The following ITPRID1 variants were observed in gnomAD, a reference collection of about 807,000 sequenced individuals.
The protein encoded by ITPRID1 is protein ITPRID1.
ITPRID1 carries 96 observed loss-of-function variants against 95.4 expected under a neutral mutation model. That is an observed-to-expected ratio of 1.01 (90% CI 0.85 to 1.19). The LOEUF (loss-of-function observed/expected upper bound fraction) is 1.19, where lower values mean the gene tolerates loss of function less well. Ranked by LOEUF, ITPRID1 falls within the 50% of genes most tolerant of loss-of-function variation. ITPRID1 has a pLI of 0.00. For missense variants in ITPRID1, 1,339 were observed against 1,252.9 expected, an observed-to-expected ratio of 1.07 and a Z score of -1.04; for synonymous variants, 510 against 453.6, an observed-to-expected ratio of 1.12 and a Z score of -1.58.
intron 1 of ITPRID1, among the ~76,000 whole-genome samples, chr7:31,525,384 G>A (rs1205586141): frequency 6.6e-6 from 1 of 152,168 alleles, no homozygotes; most frequent in Non-Finnish European, 1.5e-5. Context: ...CTATCCACCA[G>A]ATACTAGTAG....
At chr7:31,581,687 A>G (rs1268564017) in intron 9 of ITPRID1, among the ~76,000 whole-genome samples, 1 of 151,992 alleles carries the variant, frequency 6.6e-6, no homozygotes, top group Non-Finnish European at 1.5e-5. Flanking sequence ...CCAGGAATAC[A>G]CCTGGCTTTC....
chr7:31,643,724 T>A lies in ITPRID1; in HGVS notation c.2354T>A (p.Leu785Gln). 6.2e-7 allele frequency: 1 copy of A among 1,614,032 alleles called. No homozygotes were observed. Among genetic ancestry groups the A allele is most frequent in the Non-Finnish European group, 8.5e-7 (1 of 1,179,894 alleles). The stretch of plus-strand genomic sequence containing the variant: ...CAGCCCCTCACCAAATCCGTCTCTC[T>A]AGACTCAGGCTTCTCTAGTATCTGC... ...GPQPLTKSVS[L>Q]DSGFSSICPM... Residue 785 changes from leucine (L) to glutamine (Q), a missense_variant, in exon 12 of 15, where the codon CTA becomes CAA. Transcript: ENST00000615280.
At chr7:31,601,092 A>G (rs1257162145) in intron 10 of ITPRID1, among the ~76,000 whole-genome samples, 1 of 152,100 alleles carries the variant, frequency 6.6e-6, no homozygotes, top group East Asian at 1.9e-4. Flanking sequence ...AGGAAAACAG[A>G]CCCTAGTCTC....
At position 31,566,627 on chromosome 7, in the gene ITPRID1, TTTATC is replaced by T. The variant is rs1192853529; in HGVS notation, c.257-3128_257-3124del. On this transcript the variant is annotated intron_variant, in intron 5 of 14. Transcript: ENST00000615280. ...TTTTAAAAATTGCTTGAAACAATATTTTATCTTCCATTTAGGCAACTTATTATTTA... is the reference window on the plus strand; with the variant it reads ...TTTTAAAAATTGCTTGAAACAATATTTTCCATTTAGGCAACTTATTATTTA... 2.6e-5 allele frequency among the ~76,000 whole-genome samples: 4 copies of T among 152,316 alleles called. No homozygotes were observed. The East Asian group carries it at 7.7e-4, about 29-fold the overall frequency.
At chr7:31,583,271 T>C in intron 10 of ITPRID1, 80 bp downstream of exon 10, 2 of 953,076 alleles carry the variant, frequency 2.1e-6, no homozygotes, top group Admixed American at 2.0e-5. Flanking sequence ...TCTTAATATG[T>C]ACAGAGCTTA....
At chr7:31,585,319 AC>A (rs1785549683) in intron 10 of ITPRID1, among the ~76,000 whole-genome samples, 1 of 152,176 alleles carries the variant, frequency 6.6e-6, no homozygotes, top group South Asian at 2.1e-4. Context: ...TACTCTGCAT[AC>A]TAGCAGAAAA....
At chr7:31,616,312 G>A (rs1283554777) in intron 10 of ITPRID1, among the ~76,000 whole-genome samples, 1 of 151,742 alleles carries the variant, frequency 6.6e-6, no homozygotes, top group Non-Finnish European at 1.5e-5. Flanking sequence ...ATCCCTTCAG[G>A]GTCTAGTAGT....
chr7:31,528,896 G>A (rs1783503598), intron 1 of ITPRID1, among the ~76,000 whole-genome samples: 2 of 152,138 alleles, frequency 1.3e-5, no homozygotes, highest in African/African-American at 4.8e-5. Flanking sequence ...TCAAAATGAA[G>A]GATATTGTTG....
intron 1 of ITPRID1, among the ~76,000 whole-genome samples, chr7:31,524,921 T>C (rs1783376865): frequency 7.6e-6 from 1 of 131,642 alleles, no homozygotes; most frequent in African/African-American, 3.2e-5. Flanking sequence ...GAAATCTTTA[T>C]TGAGATGAAA....
At chr7:31,602,887 CT>C (rs1449668833) in intron 10 of ITPRID1, among the ~76,000 whole-genome samples, 3 of 151,612 alleles carry the variant, frequency 2.0e-5, no homozygotes, top group Non-Finnish European at 2.9e-5. Context: ...TCCCCACCCC[CT>C]CCCCTTTATT....
chr7:31,542,419 C>G (rs1783962795), intron 1 of ITPRID1, among the ~76,000 whole-genome samples: 1 of 152,292 alleles, frequency 6.6e-6, no homozygotes, highest in African/African-American at 2.4e-5. Flanking sequence ...TGAGATGACT[C>G]AAATTTCTTA....
chr7:31,588,743 G>T (rs1785735999), intron 10 of ITPRID1, among the ~76,000 whole-genome samples: 1 of 151,564 alleles, frequency 6.6e-6, no homozygotes, highest in South Asian at 2.1e-4. Flanking sequence ...AGAGAACCAA[G>T]GAGGAAAATC....
At chr7:31,570,065 A>G (rs1480832550) in intron 6 of ITPRID1, among the ~76,000 whole-genome samples, 1 of 152,244 alleles carries the variant, frequency 6.6e-6, no homozygotes, top group Non-Finnish European at 1.5e-5. Flanking sequence ...CAACATATGC[A>G]TAAATGACAT....
At chr7:31,616,214 C>T (rs1004612871) in intron 10 of ITPRID1, among the ~76,000 whole-genome samples, 1 of 151,888 alleles carries the variant, frequency 6.6e-6, no homozygotes, top group Admixed American at 6.6e-5. Flanking sequence ...TTAAATTGAC[C>T]ATGGTTTTTA....
chr7:31,538,199 T>C (rs1202506277), intron 1 of ITPRID1, among the ~76,000 whole-genome samples: 2 of 152,120 alleles, frequency 1.3e-5, no homozygotes, highest in East Asian at 1.9e-4. Context: ...CATTCTTTAA[T>C]TGTACATTTT....
At chr7:31,576,321 A>G (rs987552623) in intron 8 of ITPRID1, among the ~76,000 whole-genome samples, 2 of 152,222 alleles carry the variant, frequency 1.3e-5, no homozygotes, top group Non-Finnish European at 2.9e-5. Flanking sequence ...CAATTAGTCC[A>G]TTGTTCAATC....
chr7:31,529,627 G>C (rs748272545), intron 1 of ITPRID1: 5 of 650,216 alleles, frequency 7.7e-6, no homozygotes, highest in Non-Finnish European at 1.3e-5. Flanking sequence ...AGACTGTCTT[G>C]GCTTTCTATG....
chr7:31,516,941 G>A (rs1783061599), intron 1 of ITPRID1, among the ~76,000 whole-genome samples: 1 of 152,222 alleles, frequency 6.6e-6, no homozygotes, highest in African/African-American at 2.4e-5. Flanking sequence ...CCTGTCCGGA[G>A]TTTCTTCCTG....
intron 10 of ITPRID1, among the ~76,000 whole-genome samples, chr7:31,598,430 G>A (rs1188516353): frequency 3.1e-5 from 4 of 127,114 alleles, no homozygotes; most frequent in Non-Finnish European, 6.3e-5. Flanking sequence ...TTGAGACGGA[G>A]TCTCGCTCTG....
Sources: allele counts gnomAD v4.1 joint callset (sites outside exome capture counted in the v4.1 genomes callset), GRCh38; gene constraint gnomAD v4.1.1; transcripts MANE v1.5; gene names NCBI Gene and HGNC (gene_info 2026-07-23, HGNC 2026-07-21).